Variants in KCNH1 observed in about 807,000 individuals in gnomAD.
KCNH1 encodes the protein voltage-gated delayed rectifier potassium channel KCNH1.
Under a neutral mutation model 69.2 loss-of-function variants are expected in KCNH1, and 27 were observed. That is an observed-to-expected ratio of 0.39 (90% CI 0.29 to 0.54). KCNH1 has a LOEUF of 0.54. KCNH1 is among the 20% of genes least tolerant of loss of function. The pLI is 0.68. For missense variants in KCNH1, 798 were observed against 1,261.6 expected, an observed-to-expected ratio of 0.63 and a Z score of 5.57; for synonymous variants, 456 against 487.7, an observed-to-expected ratio of 0.93 and a Z score of 0.86.
intron 6 of KCNH1, among the ~76,000 whole-genome samples, chr1:211,013,765 G>A (rs12750194): frequency 0.4 from 60,469 of 152,084 alleles, 12,287 homozygotes; most frequent in Non-Finnish European, 0.42. Flanking sequence ...AGTTGAGGGC[G>A]ATGAAGTTAT....
chr1:210,687,747 C>G (rs77632206), intron 10 of KCNH1, among the ~76,000 whole-genome samples: 1 of 152,150 alleles, frequency 6.6e-6, no homozygotes, highest in Non-Finnish European at 1.5e-5. Context: ...GCCATGACCA[C>G]GCATTTTGCC....
At chr1:210,917,382 AAGGTGGGAAGAGAAAAG>A (rs1687369941) in intron 7 of KCNH1, among the ~76,000 whole-genome samples, 1 of 152,120 alleles carries the variant, frequency 6.6e-6, no homozygotes, top group Non-Finnish European at 1.5e-5. Context: ...TGACTCTCAG[AAGGTGGGAAGAGAAAAG>A]AGGCGGTAAA....
intron 5 of KCNH1, among the ~76,000 whole-genome samples, chr1:211,043,817 T>C (rs543070947): frequency 1.2e-4 from 18 of 152,270 alleles, no homozygotes; most frequent in Non-Finnish European, 4.4e-5. Context: ...ATACACCACA[T>C]AAACAGAATT....
chr1:210,929,163 C>A (rs749681918), intron 6 of KCNH1, among the ~76,000 whole-genome samples: 1 of 152,064 alleles, frequency 6.6e-6, no homozygotes, highest in African/African-American at 2.4e-5. Flanking sequence ...GGGAATCCTC[C>A]GTAAATCATT....
chr1:210,878,909 G>C (rs180834066), intron 7 of KCNH1, among the ~76,000 whole-genome samples: 1 of 151,942 alleles, frequency 6.6e-6, no homozygotes, highest in Non-Finnish European at 1.5e-5. Context: ...AAAGGAGAGA[G>C]AGGACATAAA....
rs114103451 is a variant in KCNH1, at chr1:210,971,852, T to G, written c.1032+46931A>C. ...CTTCATACTTAAAGATATATATACT[T>G]CATACTTAAAGAAGCTTTTAAAATG... On this transcript the variant is annotated intron_variant, in intron 6 of 10. Transcript: ENST00000271751. Among the ~76,000 whole-genome samples, 855 of 152,272 alleles carry G rather than the reference T, an allele frequency of 5.6e-3. 9 individuals are homozygous for G. The highest frequency in any genetic ancestry group is 0.02 in the African/African-American group (815 of 41,560).
chr1:211,093,854 T>C (rs1481263955), intron 3 of KCNH1, among the ~76,000 whole-genome samples: 1 of 152,140 alleles, frequency 6.6e-6, no homozygotes, highest in Non-Finnish European at 1.5e-5. Context: ...GCTTGGCCCC[T>C]TCTCTGCTTT....
At chr1:210,685,618 T>C (rs77579515) in intron 10 of KCNH1, among the ~76,000 whole-genome samples, 28 of 152,158 alleles carry the variant, frequency 1.8e-4, no homozygotes, top group African/African-American at 5.3e-4. Context: ...AATCTCTACT[T>C]TTCAGACTTG....
chr1:211,122,294 CAGAATGGTGGTTACTAAAT>C (rs1174448938), intron 1 of KCNH1, among the ~76,000 whole-genome samples: 2 of 152,112 alleles, frequency 1.3e-5, no homozygotes, highest in Non-Finnish European at 2.9e-5. Flanking sequence ...TCATACCAGT[CAGAATGGTGGTTACTAAAT>C]AGTCAAGAAA....
At chr1:210,805,879 C>T (rs1316067485) in intron 7 of KCNH1, among the ~76,000 whole-genome samples, 1 of 152,108 alleles carries the variant, frequency 6.6e-6, no homozygotes, top group Non-Finnish European at 1.5e-5. Context: ...TAATGTTTTC[C>T]AGCTTCACCC....
intron 7 of KCNH1, among the ~76,000 whole-genome samples, chr1:210,865,911 A>C (rs754150531): frequency 1.2e-4 from 18 of 152,208 alleles, no homozygotes; most frequent in Non-Finnish European, 2.4e-4. Context: ...GTCATTCTCC[A>C]TCTCAGGTAG....
chr1:210,960,640 TCACAATATACTTACCCATTA>T (rs1476782931), intron 6 of KCNH1, among the ~76,000 whole-genome samples: 1 of 152,212 alleles, frequency 6.6e-6, no homozygotes, highest in Admixed American at 6.5e-5. Flanking sequence ...TATAAATGCA[TCACAATATACTTACCCATTA>T]CCTATTGAGG....
At chr1:210,687,315 C>G (rs1323049819) in intron 10 of KCNH1, among the ~76,000 whole-genome samples, 3 of 152,226 alleles carry the variant, frequency 2.0e-5, no homozygotes. Flanking sequence ...GGTCAGAATC[C>G]TGGACTGAAC....
At chr1:210,781,852 C>T (rs1040660720) in intron 9 of KCNH1, among the ~76,000 whole-genome samples, 1 of 152,226 alleles carries the variant, frequency 6.6e-6, no homozygotes, top group Admixed American at 6.5e-5. Context: ...AAGCTGGCTG[C>T]AAGCCTAGGT....
intron 9 of KCNH1, among the ~76,000 whole-genome samples, chr1:210,783,768 A>G (rs1394196387): frequency 6.6e-6 from 1 of 152,218 alleles, no homozygotes. Context: ...GCTAGGTAAG[A>G]GGAGAATAAG....
At chr1:210,947,292 A>G (rs1026442771) in intron 6 of KCNH1, among the ~76,000 whole-genome samples, 1 of 152,158 alleles carries the variant, frequency 6.6e-6, no homozygotes, top group East Asian at 1.9e-4. Context: ...ATTCTTGGCC[A>G]GGCGCGGTGG....
At chr1:210,954,043 C>CCCCAGCCT (rs754271212) in intron 6 of KCNH1, among the ~76,000 whole-genome samples, 81 of 152,088 alleles carry the variant, frequency 5.3e-4, no homozygotes, top group Admixed American at 1.1e-3. Context: ...GCTATCTCTC[C>CCCCAGCCT]CCCAGCCTCC....
At chr1:210,735,059 A>G (rs973807673) in intron 10 of KCNH1, among the ~76,000 whole-genome samples, 3 of 151,760 alleles carry the variant, frequency 2.0e-5, no homozygotes, top group African/African-American at 7.3e-5. Context: ...TTAGTCTTGG[A>G]TGGTTTAGAA....
chr1:210,758,983 G>A (rs572334844), intron 10 of KCNH1, among the ~76,000 whole-genome samples: 1 of 152,260 alleles, frequency 6.6e-6, no homozygotes, highest in South Asian at 2.1e-4. Context: ...CAATGTGTGA[G>A]AAGCCATAGC....
Sources: allele counts gnomAD v4.1 joint callset (sites outside exome capture counted in the v4.1 genomes callset), GRCh38; gene constraint gnomAD v4.1.1; transcripts MANE v1.5; gene names NCBI Gene and HGNC (gene_info 2026-07-23, HGNC 2026-07-21).